FXYD2: variants seen among roughly 807,000 people sequenced by gnomAD.
The protein encoded by FXYD2 is FXYD domain containing ion transport regulator 2.
In FXYD2, 8 loss-of-function variants were observed where a neutral mutation model predicts 11.8. The ratio of observed to expected loss-of-function variants is 0.68; its 90% CI spans 0.40 to 1.22. The LOEUF is 1.22. Among genes scored for constraint, FXYD2 ranks in the 50% most tolerant of loss-of-function variants. FXYD2 has a pLI of 0.01. For missense variants in FXYD2, 92 were observed against 91.8 expected (o/e 1.00, Z -0.01); for synonymous variants, 42 against 33.3 (o/e 1.26, Z -0.90).
upstream of FXYD2, among the ~76,000 whole-genome samples, chr11:117,826,814 A>G (rs374101823): frequency 1.1e-4 from 13 of 123,176 alleles, no homozygotes; most frequent in East Asian, 3.3e-3. Context: ...CTATCTATCT[A>G]TCTATCTATC....
At position 117,824,297 on chromosome 11, in the gene FXYD2, C is replaced by T. The variant is rs2055986968; in HGVS notation, c.25+357G>A. 7.1e-6 allele frequency: 3 copies of T among 423,336 alleles called. No homozygotes were observed. Among genetic ancestry groups the T allele is most frequent in the Non-Finnish European group, 8.8e-6 (2 of 228,244 alleles). The allele number at this position is 423,336 out of a possible 1,614,324, so 26.2% of individuals were successfully genotyped here. On this transcript the variant is annotated intron_variant, in intron 1 of 5. Transcript: ENST00000292079. The surrounding 1 kb of genome is among the most constrained non-coding windows in gnomAD (Gnocchi z 4.0). ...TAGGAAGGCTGACCAGAGGGGCCTG[C>T]TCCTTCCCCAGCCAGATGGACGCCG...
At chr11:117,827,915 T>C (rs141264781), upstream of FXYD2, 2,012 of 945,044 alleles carry the variant, frequency 2.1e-3, 20 homozygotes, top group African/African-American at 0.021. Context: ...GGGGAGCTTG[T>C]GGGTGCACTT....
Position 117,822,456 on chromosome 11 carries a change from C to A in FXYD2, c.89G>T (p.Gly30Val). Reference sequence around the variant, plus strand: ...GAAGGCCAGTCCAGCGAAGATCAGGCCCCCATTGCGAACGGTCTCATAGTC... The same window carrying A: ...GAAGGCCAGTCCAGCGAAGATCAGGACCCCATTGCGAACGGTCTCATAGTC... Reference protein sequence around the residue: ...YYDYETVRNGGLIFAGLAFIV... With the variant: ...YYDYETVRNGVLIFAGLAFIV... Residue 30 changes from glycine (G) to valine (V), a missense_variant, in exon 3 of 6, where the codon GGC (glycine) becomes GTC (valine). By Grantham distance (109) the Gly-to-Val change is moderately radical. Coordinates refer to ENST00000292079, the MANE Select transcript of FXYD2 (RefSeq NM_001680.5). This position sits in a 1 kb window ranked among gnomAD's most constrained non-coding sequence, Gnocchi z 4.7. The A allele has an allele frequency of 6.4e-7, 1 of 1,562,984 alleles. No individual in the cohort carries two copies. The highest frequency in any genetic ancestry group is 2.4e-5 in the East Asian group (1 of 42,474).
chr11:117,820,769 G>A, intron 4 of FXYD2, 73 bp from the exon 5 acceptor site: 4 of 1,613,162 alleles, frequency 2.5e-6, no homozygotes, highest in Non-Finnish European at 2.5e-6. Flanking sequence ...TGAGGCTGGG[G>A]ATCCTCCACT....
chr11:117,827,595 AG>A (rs1233614959), upstream of FXYD2, among the ~76,000 whole-genome samples: 1 of 152,246 alleles, frequency 6.6e-6, no homozygotes, highest in Non-Finnish European at 1.5e-5. Flanking sequence ...AAGGTAAAGA[AG>A]GCATTATTAT....
chr11:117,820,734 G>A, intron 4 of FXYD2, 38 bp from the exon 5 acceptor site: 1 of 1,613,532 alleles, frequency 6.2e-7, no homozygotes, highest in South Asian at 1.1e-5. Flanking sequence ...GAGAGGGCAG[G>A]GGGAGGGGTG....
chr11:117,827,779 T>G (rs2134111741), upstream of FXYD2, among the ~76,000 whole-genome samples: 1 of 152,350 alleles, frequency 6.6e-6, no homozygotes, highest in African/African-American at 2.4e-5. Flanking sequence ...GTTGGACAGC[T>G]GCCTTCCCAG....
In FXYD2 at chr11:117,820,274, G is replaced by A. The variant is rs78017409; in HGVS notation, c.*105C>T. ...CAGCCCAAGCGCTGGCAGTGACGGG[G>A]ACAAAGGTCTAAAGCCCAGGGAAGA... On this transcript the variant is annotated 3_prime_UTR_variant, in exon 6 of 6. Transcript: ENST00000292079. 2,509 of 240,558 alleles carry A rather than the reference G, an allele frequency of 0.01. 60 individuals carry two copies. Among genetic ancestry groups the A allele is most frequent in the African/African-American group, 0.053 (2,364 of 44,760 alleles). The allele number at this position is 240,558 out of a possible 1,614,324, so 14.9% of individuals were successfully genotyped here. A position where few individuals can be genotyped will look rare whatever the true frequency, so the allele number is the denominator to read the frequency against.
chr11:117,825,418 G>A (rs1387974815), upstream of FXYD2, among the ~76,000 whole-genome samples: 9 of 152,210 alleles, frequency 5.9e-5, no homozygotes, highest in Admixed American at 5.9e-4. Flanking sequence ...CTCGGATTGT[G>A]TCCTTGCCAG....
At chr11:117,820,582 C>G in intron 5 of FXYD2, 84 bp downstream of exon 5, 1 of 1,559,112 alleles carries the variant, frequency 6.4e-7, no homozygotes, top group Admixed American at 1.7e-5. Flanking sequence ...TCTTATTTAC[C>G]GAGTCCAGGA....
intron 3 of FXYD2, chr11:117,821,562 C>T (rs2055904648): frequency 9.1e-6 from 9 of 985,774 alleles, no homozygotes; most frequent in Non-Finnish European, 1.1e-5. Flanking sequence ...CAAAGTGGAG[C>T]CCCTTGCTTA....
upstream of FXYD2, among the ~76,000 whole-genome samples, chr11:117,827,099 GAT>G (rs1261276872): frequency 8.7e-5 from 10 of 114,746 alleles, no homozygotes; most frequent in African/African-American, 3.5e-4. Flanking sequence ...TAGATAGATA[GAT>G]AGATAGATAG....
chr11:117,821,367 C>G, intron 3 of FXYD2: 1 of 989,858 alleles, frequency 1.0e-6, no homozygotes, highest in Non-Finnish European at 1.2e-6. Context: ...AGCCTTCTCT[C>G]TCTTTATATA....
Position 117,822,545 on chromosome 11 carries a change from A to G in FXYD2, c.65-65T>C. The G allele has an allele frequency of 1.3e-6, 2 of 1,557,158 alleles. No homozygotes were observed. The highest frequency in any genetic ancestry group is 8.7e-7 in the Non-Finnish European group (1 of 1,149,790). ...TCTCCCAGCAGCTGTCTCTCTCCGC[A>G]GCCTGCCCGCAGCAGCCCGTGGTAA... On this transcript the variant is annotated intron_variant, in intron 2 of 5. Coordinates refer to ENST00000292079, the MANE Select transcript of FXYD2 (RefSeq NM_001680.5). The surrounding 1 kb of genome is among the most constrained non-coding windows in gnomAD (Gnocchi z 4.7).
chr11:117,825,509 C>T (rs1057046735), upstream of FXYD2, among the ~76,000 whole-genome samples: 2 of 151,958 alleles, frequency 1.3e-5, no homozygotes, highest in African/African-American at 4.8e-5. Flanking sequence ...TATGGTTTAC[C>T]AAGCACTTTC....
upstream of FXYD2, among the ~76,000 whole-genome samples, chr11:117,825,193 G>A (rs1164543491): frequency 3.9e-5 from 6 of 152,130 alleles, 1 homozygote; most frequent in South Asian, 4.1e-4. Context: ...TGGTCCCTAG[G>A]AGCCTGGCCC....
At chr11:117,821,625 C>T (rs537136899) in intron 3 of FXYD2, 53 of 985,996 alleles carry the variant, frequency 5.4e-5, no homozygotes, top group East Asian at 2.3e-4. Context: ...CACTGCCCTC[C>T]GGGAGCTGCC....
Position 117,820,701 on chromosome 11 carries a change from T to G in FXYD2, c.177-5A>C. ...GGCTCATCTTCATTGATTTGCCTGG[T>G]GGGGGAAGGAAAAGCAACAGGTGAG... On this transcript the variant is annotated splice_polypyrimidine_tract_variant and splice_region_variant and intron_variant, in intron 4 of 5. Transcript: ENST00000292079. 1 of 1,613,480 alleles carries G rather than the reference T, an allele frequency of 6.2e-7. No homozygotes were observed. Among genetic ancestry groups the G allele is most frequent in the Non-Finnish European group, 8.5e-7 (1 of 1,179,962 alleles).
upstream of FXYD2, among the ~76,000 whole-genome samples, chr11:117,826,778 G>GTCTATA (rs2056045067): frequency 4.0e-5 from 5 of 125,876 alleles, no homozygotes; most frequent in African/African-American, 1.5e-4. Context: ...CTGTCTGTCT[G>GTCTATA]TCTATCTATC....
Sources: allele counts gnomAD v4.1 joint callset (sites outside exome capture counted in the v4.1 genomes callset), GRCh38; gene constraint gnomAD v4.1.1; non-coding constraint Gnocchi (gnomAD v3.1); transcripts MANE v1.5; gene names NCBI Gene and HGNC (gene_info 2026-07-23, HGNC 2026-07-21).